Variants in TEX261 observed in about 807,000 individuals in gnomAD.
The protein encoded by TEX261 is testis expressed 261.
TEX261 carries 13 observed loss-of-function variants against 25.1 expected under a neutral mutation model. That is an observed-to-expected ratio of 0.52 (90% CI 0.34 to 0.82). TEX261 has a LOEUF of 0.82. TEX261 is among the 40% of genes least tolerant of loss of function. TEX261 has a pLI of 0.02. For missense variants in TEX261, 206 were observed against 243.2 expected (o/e 0.85, Z 1.02); for synonymous variants, 92 against 97.8 (o/e 0.94, Z 0.35).
intron 1 of TEX261, among the ~76,000 whole-genome samples, chr2:70,994,316 G>C (rs1352472428): frequency 6.6e-6 from 1 of 152,286 alleles, no homozygotes; most frequent in Non-Finnish European, 1.5e-5. Context: ...CAAAGGTGGA[G>C]AGAGCAGGGA....
rs1192995386 is a variant in TEX261 at position 70,994,832 on chromosome 2, A to G, written c.-75T>C. Reference sequence around the variant, plus strand: ...TCGGCTCCGGCGACACACAGCCGCCACCGCCGCCGCCGCCGCCGCGTCCCC... The same window carrying G: ...TCGGCTCCGGCGACACACAGCCGCCGCCGCCGCCGCCGCCGCCGCGTCCCC... On this transcript the variant is annotated 5_prime_UTR_variant, in exon 1 of 6. Coordinates refer to ENST00000272438, the MANE Select transcript of TEX261 (RefSeq NM_144582.3). 1.8e-5 allele frequency: 23 copies of G among 1,270,128 alleles called. 1 individual carries two copies. In the African/African-American group the frequency reaches 3.0e-4, roughly 17 times the overall value. The allele number at this position is 1,270,128 out of a possible 1,614,324, so 78.7% of individuals were successfully genotyped here. A position where few individuals can be genotyped will look rare whatever the true frequency, so the allele number is the denominator to read the frequency against.
intron 4 of TEX261, chr2:70,989,432 C>T: frequency 2.4e-6 from 1 of 419,780 alleles, no homozygotes; most frequent in Middle Eastern, 6.9e-4. Context: ...CTCAGGGGTG[C>T]AGTCCATCCC....
chr2:70,988,263 C>A lies in TEX261; in HGVS notation c.*337G>T. ...TGCCCAGAGAACTTGTCACCATCTGCTCTTAAGCTTCACAGACCCTGCCCT... is the reference window on the plus strand; with the variant it reads ...TGCCCAGAGAACTTGTCACCATCTGATCTTAAGCTTCACAGACCCTGCCCT... On this transcript the variant is annotated 3_prime_UTR_variant, in exon 6 of 6. Transcript: ENST00000272438. The A allele has an allele frequency of 3.7e-6, 1 of 272,334 alleles. No homozygotes were observed. Among genetic ancestry groups the A allele is most frequent in the Non-Finnish European group, 7.1e-6 (1 of 141,010 alleles). The allele number at this position is 272,334 out of a possible 1,614,324, so 16.9% of individuals were successfully genotyped here.
intron 3 of TEX261, among the ~76,000 whole-genome samples, chr2:70,991,017 T>A (rs569758443): frequency 6.6e-6 from 1 of 152,148 alleles, no homozygotes; most frequent in African/African-American, 2.4e-5. Flanking sequence ...GAAAAGTCAC[T>A]CTAAAAAACC....
At chr2:70,994,439 G>A in intron 1 of TEX261, 1 of 555,196 alleles carries the variant, frequency 1.8e-6, no homozygotes, top group Non-Finnish European at 3.1e-6. Context: ...ACGCGGGGGC[G>A]GCACTCGAGT....
At chr2:70,994,640 C>T in intron 1 of TEX261, 48 bp downstream of exon 1, 1 of 1,562,932 alleles carries the variant, frequency 6.4e-7, no homozygotes, top group Non-Finnish European at 8.7e-7. Flanking sequence ...CCAACGAGCA[C>T]CGATGCCGGG....
In TEX261 at chr2:70,988,740, G is replaced by A. The variant is rs782411419; in HGVS notation, c.476-25C>T. On this transcript the variant is annotated intron_variant, in intron 5 of 5. Transcript: ENST00000272438. Reference sequence around the variant, plus strand: ...TCTGTGGAGATACAGGCAAGAATATGAGAGAGAGAGAGAGTGTGTGTGTGT... The same window carrying A: ...TCTGTGGAGATACAGGCAAGAATATAAGAGAGAGAGAGAGTGTGTGTGTGT... 1.9e-5 allele frequency: 27 copies of A among 1,407,022 alleles called. No homozygotes were observed. In the South Asian group the frequency reaches 3.1e-4, roughly 16 times the overall value. The allele number at this position is 1,407,022 out of a possible 1,614,324, so 87.2% of individuals were successfully genotyped here. A position where few individuals can be genotyped will look rare whatever the true frequency, so the allele number is the denominator to read the frequency against.
chr2:70,990,967 T>A (rs1553425576), intron 3 of TEX261, among the ~76,000 whole-genome samples: 1 of 152,180 alleles, frequency 6.6e-6, no homozygotes. Flanking sequence ...ATGCCCTTTG[T>A]GTGGATAATA....
At chr2:70,991,157 A>G (rs1670291280) in intron 3 of TEX261, among the ~76,000 whole-genome samples, 1 of 152,220 alleles carries the variant, frequency 6.6e-6, no homozygotes, top group Non-Finnish European at 1.5e-5. Context: ...ACCTATATGC[A>G]CCTACTATAT....
chr2:70,993,592 A>G (rs1219784883), intron 2 of TEX261, 104 bp downstream of exon 2: 29 of 930,908 alleles, frequency 3.1e-5, no homozygotes, highest in Non-Finnish European at 4.7e-5. Context: ...CTCAGGAAAC[A>G]GCAGAGACAC....
Position 70,986,487 on chromosome 2 carries a change from A to C in TEX261, c.*2113T>G, listed in dbSNP as rs1224283995. The C allele has an allele frequency of 6.5e-6, 1 of 152,738 alleles. No homozygotes were observed. Among genetic ancestry groups the C allele is most frequent in the African/African-American group, 2.4e-5 (1 of 41,460 alleles). 9.5% of individuals were successfully genotyped at this position (152,738 alleles called of 1,614,324 possible). On this transcript the variant is annotated 3_prime_UTR_variant, in exon 6 of 6. Transcript: ENST00000272438. ...GATAGAGAAGCAGTAGGAGGCTGTC[A>C]CGATAATCCAGGTGAAAGCTGATGA...
chr2:70,994,660 C>T (rs782414114), intron 1 of TEX261, 28 bp downstream of exon 1: 1 of 1,574,252 alleles, frequency 6.4e-7, no homozygotes, highest in Non-Finnish European at 8.6e-7. Flanking sequence ...GGCGGGAGCC[C>T]GCGCGGGCCG....
At chr2:70,993,641 C>A in intron 2 of TEX261, 55 bp downstream of exon 2, 1 of 1,460,990 alleles carries the variant, frequency 6.8e-7, no homozygotes, top group African/African-American at 1.4e-5. Context: ...CCACTTCCTG[C>A]TTTTGAGGCA....
chr2:70,994,628 C>T, intron 1 of TEX261, 60 bp downstream of exon 1: 1 of 1,554,412 alleles, frequency 6.4e-7, no homozygotes, highest in Non-Finnish European at 8.7e-7. Flanking sequence ...GCGATGCGAC[C>T]CCCAACGAGC....
intron 3 of TEX261, among the ~76,000 whole-genome samples, chr2:70,991,445 G>A (rs1572941938): frequency 6.6e-6 from 1 of 152,254 alleles, no homozygotes; most frequent in East Asian, 1.9e-4. Context: ...ATGACTTTGG[G>A]TCAGAGGACT....
chr2:70,990,708 C>A (rs1225275641), intron 3 of TEX261, among the ~76,000 whole-genome samples: 2 of 152,138 alleles, frequency 1.3e-5, no homozygotes, highest in Non-Finnish European at 2.9e-5. Flanking sequence ...CACTCTAGGG[C>A]TAAGAGATAA....
rs1167474102 is a variant in TEX261, at chr2:70,987,252, T to G, written c.*1348A>C. ...TTCACACTAAGAGGAGACCAACATG[T>G]GCTCTTCCTCTCAGGGAAAGGGGAA... On this transcript the variant is annotated 3_prime_UTR_variant, in exon 6 of 6. Coordinates refer to ENST00000272438, the MANE Select transcript of TEX261 (RefSeq NM_144582.3). 1 of 152,178 alleles carries G rather than the reference T, an allele frequency of 6.6e-6. No individual in the cohort carries two copies. The highest frequency in any genetic ancestry group is 6.5e-5 in the Admixed American group (1 of 15,272). 9.4% of individuals were successfully genotyped at this position (152,178 alleles called of 1,614,324 possible).
chr2:70,988,410 A>C lies in TEX261; in HGVS notation c.*190T>G. 1.7e-6 allele frequency: 1 copy of C among 582,050 alleles called. No individual in the cohort carries two copies. Among genetic ancestry groups the C allele is most frequent in the East Asian group, 2.9e-5 (1 of 34,710 alleles). The allele number at this position is 582,050 out of a possible 1,614,324, so 36.1% of individuals were successfully genotyped here. A position where few individuals can be genotyped will look rare whatever the true frequency, so the allele number is the denominator to read the frequency against. ...CCTCCTTGGTGCCCTCTGAGGTTAC[A>C]GCCTCTTGAAGCATCAGATCTGAGC... On this transcript the variant is annotated 3_prime_UTR_variant, in exon 6 of 6. Transcript: ENST00000272438.
At chr2:70,990,423 G>A (rs1335845395) in intron 3 of TEX261, among the ~76,000 whole-genome samples, 6 of 151,050 alleles carry the variant, frequency 4.0e-5, no homozygotes, top group East Asian at 1.9e-4. Context: ...GAACTGATAC[G>A]TTCTGGACAC....
Sources: allele counts gnomAD v4.1 joint callset (sites outside exome capture counted in the v4.1 genomes callset), GRCh38; gene constraint gnomAD v4.1.1; transcripts MANE v1.5; gene names NCBI Gene and HGNC (gene_info 2026-07-23, HGNC 2026-07-21).